DLG2: variants seen among roughly 807,000 people sequenced by gnomAD.
The protein encoded by DLG2 is discs large MAGUK scaffold protein 2, also known as disks large homolog 2.
A neutral mutation model predicts 132.5 loss-of-function variants in DLG2; 45 were observed. That is an observed-to-expected ratio of 0.34 (90% CI 0.27 to 0.44). DLG2 has a LOEUF of 0.44. Ranked by LOEUF, DLG2 falls within the 20% of genes least tolerant of loss-of-function variation. DLG2 has a pLI of 1.00. For missense variants in DLG2, 1,045 were observed against 1,196.9 expected (o/e 0.87, Z 1.87); for synonymous variants, 424 against 419.6 (o/e 1.01, Z -0.13).
intron 7 of DLG2, among the ~76,000 whole-genome samples, chr11:84,307,724 C>T (rs1262528237): frequency 1.6e-5 from 2 of 128,282 alleles, no homozygotes; most frequent in Non-Finnish European, 3.3e-5. Context: ...AAAGAAGCCG[C>T]GGACCCTCGC....
intron 7 of DLG2, among the ~76,000 whole-genome samples, chr11:84,520,863 T>C (rs1345925009): frequency 1.3e-5 from 2 of 152,182 alleles, no homozygotes; most frequent in Admixed American, 6.5e-5. Flanking sequence ...ATCATCAGTA[T>C]ATAAATGTGG....
intron 19 of DLG2, among the ~76,000 whole-genome samples, chr11:83,545,021 C>T (rs1381811860): frequency 6.6e-6 from 1 of 152,094 alleles, no homozygotes; most frequent in Non-Finnish European, 1.5e-5. Flanking sequence ...CCAAGTATTT[C>T]TTATCCCCAA....
chr11:85,247,960 C>T (rs1365292120), intron 4 of DLG2, among the ~76,000 whole-genome samples: 1 of 152,044 alleles, frequency 6.6e-6, no homozygotes, highest in Non-Finnish European at 1.5e-5. Context: ...CTGCAACTTG[C>T]CACCCTGAAG....
At chr11:84,759,606 TG>T (rs1334970951) in intron 6 of DLG2, among the ~76,000 whole-genome samples, 3 of 152,208 alleles carry the variant, frequency 2.0e-5, no homozygotes, top group Non-Finnish European at 4.4e-5. Context: ...ATGTAGTTAT[TG>T]GGAAGTATGG....
chr11:83,635,665 C>T (rs1409907009), intron 18 of DLG2, among the ~76,000 whole-genome samples: 1 of 152,064 alleles, frequency 6.6e-6, no homozygotes, highest in Non-Finnish European at 1.5e-5. Flanking sequence ...AAGACTTTTC[C>T]CCCCTTTTTA....
Position 84,122,183 on chromosome 11 carries a change from G to A in DLG2, c.625-23136C>T, listed in dbSNP as rs535707335. ...TGAAAATACAAATTTAGTTGGGTGTGATGGTGCACACCTGTAATCCCAGCT... is the reference window on the plus strand; with the variant it reads ...TGAAAATACAAATTTAGTTGGGTGTAATGGTGCACACCTGTAATCCCAGCT... On this transcript the variant is annotated intron_variant, in intron 9 of 27. Coordinates refer to ENST00000376104, the MANE Select transcript of DLG2 (RefSeq NM_001142699.3). 2.0e-4 allele frequency among the ~76,000 whole-genome samples: 30 copies of A among 152,074 alleles called. No homozygotes were observed. The South Asian group carries it at 6.2e-3, about 32-fold the overall frequency.
intron 7 of DLG2, among the ~76,000 whole-genome samples, chr11:84,373,267 A>AAAAAAAC (rs1567449305): frequency 7.2e-6 from 1 of 139,288 alleles, no homozygotes; most frequent in Admixed American, 7.1e-5. Flanking sequence ...AAAAAAAACA[A>AAAAAAAC]AACAAAAAAA....
chr11:84,784,733 A>C (rs2072558507), intron 6 of DLG2, among the ~76,000 whole-genome samples: 1 of 152,130 alleles, frequency 6.6e-6, no homozygotes, highest in Non-Finnish European at 1.5e-5. Flanking sequence ...AATTTAAAAA[A>C]AAAGCTTGCT....
Position 85,504,843 on chromosome 11 carries a change from G to C in DLG2, c.40+93814C>G, listed in dbSNP as rs569655380. Among the ~76,000 whole-genome samples the C allele has an allele frequency of 9.3e-4, 141 of 152,330 alleles. 1 individual carries two copies. The highest frequency in any genetic ancestry group is 3.3e-3 in the African/African-American group (139 of 41,584). Reference sequence around the variant, plus strand: ...CACAATATTGATTCTTCCTATCCATGAGCATGGAATGTTCTTCCATTTGTT... The same window carrying C: ...CACAATATTGATTCTTCCTATCCATCAGCATGGAATGTTCTTCCATTTGTT... On this transcript the variant is annotated intron_variant, in intron 3 of 27. Coordinates refer to ENST00000376104, the MANE Select transcript of DLG2 (RefSeq NM_001142699.3).
At chr11:84,669,392 T>C (rs565906099) in intron 6 of DLG2, among the ~76,000 whole-genome samples, 7 of 152,282 alleles carry the variant, frequency 4.6e-5, no homozygotes, top group African/African-American at 1.4e-4. Context: ...ATGGCAAGCA[T>C]TGGCTGTGCT....
At chr11:84,795,768 C>G (rs1221114550) in intron 6 of DLG2, among the ~76,000 whole-genome samples, 3 of 152,152 alleles carry the variant, frequency 2.0e-5, no homozygotes, top group African/African-American at 7.2e-5. Flanking sequence ...GCTGCCAAAC[C>G]CTCTTTGAGG....
At chr11:84,313,689 A>AAAGAAAGAAAGAAAG (rs1567261581) in intron 7 of DLG2, among the ~76,000 whole-genome samples, 20 of 93,282 alleles carry the variant, frequency 2.1e-4, no homozygotes, top group African/African-American at 7.4e-4. Flanking sequence ...AAGAAAGAAA[A>AAAGAAAGAAAGAAAG]AGAAAGAGGA....
intron 6 of DLG2, among the ~76,000 whole-genome samples, chr11:85,069,136 T>A (rs1230070451): frequency 6.6e-6 from 1 of 151,822 alleles, no homozygotes; most frequent in African/African-American, 2.4e-5. Context: ...CCTTACACTT[T>A]ATACAAAAAT....
At chr11:84,952,707 T>C (rs886924989) in intron 6 of DLG2, among the ~76,000 whole-genome samples, 5 of 152,084 alleles carry the variant, frequency 3.3e-5, no homozygotes, top group East Asian at 1.9e-4. Context: ...AAAAAAAGAA[T>C]GTAATATTTA....
chr11:85,144,235 G>C (rs1000171563), intron 5 of DLG2, among the ~76,000 whole-genome samples: 1 of 151,454 alleles, frequency 6.6e-6, no homozygotes, highest in Admixed American at 6.6e-5. Flanking sequence ...ATCTGATATA[G>C]GTATAGCTAA....
intron 3 of DLG2, chr11:85,452,140 T>A (rs2092269046): frequency 6.6e-6 from 1 of 152,172 alleles, no homozygotes; most frequent in Non-Finnish European, 1.5e-5. Flanking sequence ...CACTAATGCA[T>A]CTATATGCTT....
intron 7 of DLG2, among the ~76,000 whole-genome samples, chr11:84,473,949 G>A (rs1441388854): frequency 1.3e-5 from 2 of 152,124 alleles, no homozygotes; most frequent in Admixed American, 1.3e-4. Flanking sequence ...CTATTGGTGA[G>A]CTATGGATTT....
At chr11:84,579,719 C>T (rs2099511956) in intron 6 of DLG2, among the ~76,000 whole-genome samples, 2 of 152,144 alleles carry the variant, frequency 1.3e-5, no homozygotes, top group Admixed American at 1.3e-4. Flanking sequence ...AAGTATTGGA[C>T]AGCCATAAAC....
chr11:84,366,339 G>C (rs1269771213), intron 7 of DLG2, among the ~76,000 whole-genome samples: 14 of 151,976 alleles, frequency 9.2e-5, no homozygotes, highest in South Asian at 4.2e-4. Context: ...GGAACAACTG[G>C]TACCAGCCGC....
Sources: gnomAD v4.1 joint callset for allele counts (sites outside exome capture counted in the v4.1 genomes callset) on GRCh38, gnomAD v4.1.1 for gene constraint, MANE v1.5 for transcripts, NCBI Gene and HGNC (gene_info 2026-07-23, HGNC 2026-07-21) for gene names.